Variants in SEMA3A observed in about 807,000 individuals in gnomAD.
SEMA3A encodes semaphorin 3A, also known as semaphorin-3A.
SEMA3A carries 29 observed loss-of-function variants against 97.9 expected under a neutral mutation model. The ratio of observed to expected loss-of-function variants is 0.30; its 90% CI spans 0.22 to 0.40. The LOEUF (loss-of-function observed/expected upper bound fraction) is 0.40, where lower values mean the gene tolerates loss of function less well. SEMA3A is among the 10% of genes least tolerant of loss of function. The pLI is 1.00. For synonymous variants in SEMA3A, 321 were observed against 323.7 expected (o/e 0.99, Z 0.09); for missense variants, 763 against 951.3 (o/e 0.80, Z 2.60).
intron 1 of SEMA3A, among the ~76,000 whole-genome samples, chr7:84,136,897 C>T (rs552530337): frequency 1.3e-5 from 2 of 150,392 alleles, no homozygotes; most frequent in Non-Finnish European, 3.0e-5. Flanking sequence ...CCACCCCACT[C>T]TCCACACACA....
At chr7:84,481,634 A>T (rs918470962) in intron 1 of SEMA3A, among the ~76,000 whole-genome samples, 3 of 152,090 alleles carry the variant, frequency 2.0e-5, no homozygotes, top group African/African-American at 7.2e-5. Flanking sequence ...GTTTTTTCTT[A>T]TTACACATAA....
At chr7:84,150,386 C>G (rs1049176731) in intron 1 of SEMA3A, among the ~76,000 whole-genome samples, 1 of 152,172 alleles carries the variant, frequency 6.6e-6, no homozygotes, top group Non-Finnish European at 1.5e-5. Context: ...GGTGCGCACA[C>G]TGTGCGCGAG....
At chr7:84,322,041 G>A (rs1371293242) in intron 2 of SEMA3A, among the ~76,000 whole-genome samples, 2 of 151,736 alleles carry the variant, frequency 1.3e-5, no homozygotes, top group Non-Finnish European at 2.9e-5. Context: ...TCACAGGGTG[G>A]CAGGATGGAG....
At chr7:84,066,850 G>A (rs988629010) in intron 4 of SEMA3A, among the ~76,000 whole-genome samples, 3 of 152,212 alleles carry the variant, frequency 2.0e-5, no homozygotes, top group African/African-American at 7.2e-5. Context: ...TACTGCCCAA[G>A]GTAATTTACA....
chr7:84,318,646 A>C (rs1049281557), intron 2 of SEMA3A, among the ~76,000 whole-genome samples: 1 of 152,102 alleles, frequency 6.6e-6, no homozygotes, highest in Non-Finnish European at 1.5e-5. Context: ...ATACTCAATG[A>C]GATTGATAGA....
intron 5 of SEMA3A, among the ~76,000 whole-genome samples, chr7:84,056,784 A>T (rs1052734871): frequency 6.6e-6 from 1 of 152,178 alleles, no homozygotes; most frequent in Non-Finnish European, 1.5e-5. Flanking sequence ...AACAGTTTAT[A>T]TGTCTACATG....
intron 3 of SEMA3A, among the ~76,000 whole-genome samples, chr7:84,305,142 A>G (rs569615526): frequency 1.3e-5 from 2 of 152,028 alleles, no homozygotes; most frequent in African/African-American, 2.4e-5. Context: ...ATTAGACAAG[A>G]AAAATATACT....
At chr7:84,108,354 A>AG (rs1264533781) in intron 4 of SEMA3A, among the ~76,000 whole-genome samples, 1 of 151,902 alleles carries the variant, frequency 6.6e-6, no homozygotes, top group African/African-American at 2.4e-5. Flanking sequence ...AGGGAAAAAA[A>AG]AAAAGAAAAA....
At chr7:84,381,524 C>T (rs1803259392) in intron 1 of SEMA3A, among the ~76,000 whole-genome samples, 1 of 152,172 alleles carries the variant, frequency 6.6e-6, no homozygotes, top group African/African-American at 2.4e-5. Context: ...GACATCAAAA[C>T]ATACAGAAAC....
rs1329896376 is a variant in SEMA3A, at chr7:83,956,515, A to G, written c.*4856T>C. On this transcript the variant is annotated 3_prime_UTR_variant, in exon 17 of 17. Transcript: ENST00000265362. ...CTGTCTAGTGCTATGACTTTAGCTG[A>G]GTAAAGATAAATGAGGTGAACATTA... 6.6e-6 allele frequency: 1 copy of G among 152,172 alleles called. No individual in the cohort carries two copies. The highest frequency in any genetic ancestry group is 6.6e-5 in the Admixed American group (1 of 15,256). 9.4% of individuals were successfully genotyped at this position (152,172 alleles called of 1,614,324 possible). A position where few individuals can be genotyped will look rare whatever the true frequency, so the allele number is the denominator to read the frequency against.
intron 6 of SEMA3A, among the ~76,000 whole-genome samples, chr7:84,042,363 A>G (rs1021022136): frequency 3.3e-5 from 5 of 152,056 alleles, no homozygotes; most frequent in African/African-American, 1.2e-4. Flanking sequence ...AATGAGTGGG[A>G]AGGCGTCACA....
chr7:84,033,684 G>A (rs1366191767), intron 6 of SEMA3A, among the ~76,000 whole-genome samples: 9 of 152,060 alleles, frequency 5.9e-5, no homozygotes, highest in Non-Finnish European at 7.4e-5. Flanking sequence ...CTTTTATGTC[G>A]CTTTTAATAA....
At chr7:84,162,415 G>A (rs1056183734) in intron 1 of SEMA3A, among the ~76,000 whole-genome samples, 1 of 152,008 alleles carries the variant, frequency 6.6e-6, no homozygotes, top group African/African-American at 2.4e-5. Context: ...TCCAGGCTTG[G>A]CTAAATTTCA....
chr7:84,461,973 A>T (rs916715451), intron 1 of SEMA3A, among the ~76,000 whole-genome samples: 2 of 152,144 alleles, frequency 1.3e-5, no homozygotes, highest in African/African-American at 4.8e-5. Context: ...TATTGTTAAA[A>T]TGATGTGATA....
chr7:84,209,066 C>T (rs1263738202), intron 3 of SEMA3A, among the ~76,000 whole-genome samples: 1 of 152,108 alleles, frequency 6.6e-6, no homozygotes, highest in Non-Finnish European at 1.5e-5. Flanking sequence ...TCTTATTGTT[C>T]CTCCAAGAGT....
At chr7:84,024,749 TAA>T (rs1475554362) in intron 6 of SEMA3A, among the ~76,000 whole-genome samples, 2 of 152,212 alleles carry the variant, frequency 1.3e-5, no homozygotes, top group Non-Finnish European at 2.9e-5. Flanking sequence ...ACATTGTTTT[TAA>T]AACTTTGTGA....
Position 84,369,109 on chromosome 7 carries a change from T to C in SEMA3A, c.-169+2715A>G, listed in dbSNP as rs556682570. Among the ~76,000 whole-genome samples the C allele has an allele frequency of 1.4e-3, 219 of 151,080 alleles. 2 individuals carry two copies. The highest frequency in any genetic ancestry group is 2.2e-3 in the Non-Finnish European group (149 of 67,342). ...TGAATCCCAGTGGAAATCAAAAATA[T>C]AGAGATGGACAGATAAAATACACAA... On this transcript the variant is annotated intron_variant, in intron 2 of 3. Coordinates refer to the SEMA3A transcript ENST00000424555.
chr7:84,029,914 G>A (rs1428055106), intron 6 of SEMA3A, among the ~76,000 whole-genome samples: 2 of 151,934 alleles, frequency 1.3e-5, no homozygotes, highest in African/African-American at 2.4e-5. Context: ...TGTTTTTAAT[G>A]AGTTTCTATA....
intron 1 of SEMA3A, among the ~76,000 whole-genome samples, chr7:84,186,772 T>C (rs1797900190): frequency 6.6e-6 from 1 of 151,894 alleles, no homozygotes; most frequent in South Asian, 2.1e-4. Flanking sequence ...AAAAAAAGAA[T>C]TTTCCAACGA....
Sources: gnomAD v4.1 joint callset for allele counts (sites outside exome capture counted in the v4.1 genomes callset) on GRCh38, gnomAD v4.1.1 for gene constraint, MANE v1.5 for transcripts, NCBI Gene and HGNC (gene_info 2026-07-23, HGNC 2026-07-21) for gene names.